Variants in CGRRF1 observed in about 807,000 individuals in gnomAD.
The protein encoded by CGRRF1 is cell growth regulator with ring finger domain 1, also known as cell growth regulator with RING finger domain protein 1.
Under a neutral mutation model 37.2 loss-of-function variants are expected in CGRRF1, and 32 were observed. The observed-to-expected ratio is 0.86, with a 90% CI of 0.65 to 1.16. The LOEUF is 1.16. CGRRF1 is among the 50% of genes most tolerant of loss of function. The pLI is 0.00. For missense variants in CGRRF1, 391 were observed against 382.6 expected (o/e 1.02, Z -0.18); for synonymous variants, 141 against 140.3 (o/e 1.00, Z -0.04).
At chr14:54,513,537 G>C (rs985440181) in intron 1 of CGRRF1, among the ~76,000 whole-genome samples, 7 of 151,982 alleles carry the variant, frequency 4.6e-5, no homozygotes, top group African/African-American at 1.5e-4. Context: ...GTGTAGCCAC[G>C]GAAAGACTTG....
In CGRRF1 at chr14:54,539,255, T is replaced by C. The variant is rs751030007; in HGVS notation, c.*872T>C. 52 of 152,144 alleles carry C rather than the reference T, an allele frequency of 3.4e-4. No individual in the cohort carries two copies. The highest frequency in any genetic ancestry group is 5.7e-4 in the Non-Finnish European group (39 of 68,022). The allele number at this position is 152,144 out of a possible 1,614,324, so 9.4% of individuals were successfully genotyped here. On this transcript the variant is annotated 3_prime_UTR_variant, in exon 6 of 6. Transcript: ENST00000216420. The stretch of plus-strand genomic sequence containing the variant: ...ATAACTATTTTTTTCTAGTGTATTT[T>C]TATTCCAAATAAACCCTGTATTCTT...
At chr14:54,530,755 A>G (rs1010670504) in intron 3 of CGRRF1, 148 bp from the exon 4 acceptor site, 2 of 880,936 alleles carry the variant, frequency 2.3e-6, no homozygotes, top group African/African-American at 1.7e-5. Context: ...TCTATCAGGA[A>G]CAGTATTTGT....
chr14:54,514,910 A>G (rs951244518), intron 1 of CGRRF1, among the ~76,000 whole-genome samples: 1 of 152,130 alleles, frequency 6.6e-6, no homozygotes, highest in Admixed American at 6.5e-5. Flanking sequence ...TGGAAATTTT[A>G]AAGATATCTC....
rs536064028 is a variant in CGRRF1 at position 54,528,520 on chromosome 14, T to A, written c.245-1529T>A. Among the ~76,000 whole-genome samples, 6 of 152,124 alleles carry A rather than the reference T, an allele frequency of 3.9e-5. No individual in the cohort carries two copies. The South Asian group carries it at 1.2e-3, about 31-fold the overall frequency. On this transcript the variant is annotated intron_variant, in intron 2 of 5. Transcript: ENST00000216420. Reference sequence around the variant, plus strand: ...TCTTGTTTTTTCTTTTTCAATGTTTTAAAATATGCATTTTCTATTTTTTCC... The same window carrying A: ...TCTTGTTTTTTCTTTTTCAATGTTTAAAAATATGCATTTTCTATTTTTTCC...
chr14:54,538,304 T>C lies in CGRRF1; in HGVS notation c.920T>C (p.Met307Thr), dbSNP rs1479084129. The change falls in exon 6 of 6, where the codon ATG becomes ACG. Residue 307 changes from methionine (M) to threonine (T), a missense_variant. Physicochemically the swap from Met to Thr is moderately conservative, Grantham distance 81. Coordinates refer to ENST00000216420, the MANE Select transcript of CGRRF1 (RefSeq NM_006568.3). ...GTGAAGTATTTTCAGCAGTGCCCAA[T>C]GTGCAGGCAGTTTGTTCAGGAATCT... ...GCVKYFQQCP[M>T]CRQFVQESFA... 3 of 1,614,056 alleles carry C rather than the reference T, an allele frequency of 1.9e-6. No homozygotes were observed. The highest frequency in any genetic ancestry group is 3.3e-5 in the Admixed American group (2 of 60,010).
At chr14:54,521,330 A>T (rs963196058) in intron 1 of CGRRF1, among the ~76,000 whole-genome samples, 3 of 151,582 alleles carry the variant, frequency 2.0e-5, no homozygotes, top group African/African-American at 7.3e-5. Context: ...GCATGGTGGC[A>T]CATGCCTGTA....
intron 4 of CGRRF1, chr14:54,536,018 A>G (rs765121426): frequency 5.9e-5 from 9 of 152,344 alleles, no homozygotes; most frequent in Non-Finnish European, 1.2e-4. Context: ...TCAGAAAACC[A>G]TATAAAGAAA....
intron 1 of CGRRF1, among the ~76,000 whole-genome samples, chr14:54,517,243 T>A (rs770346075): frequency 2.0e-5 from 3 of 152,212 alleles, no homozygotes; most frequent in Non-Finnish European, 4.4e-5. Flanking sequence ...GAATTTTACC[T>A]TACTAGGTGC....
chr14:54,521,007 G>A (rs1183877570), intron 1 of CGRRF1, among the ~76,000 whole-genome samples: 2 of 152,120 alleles, frequency 1.3e-5, no homozygotes, highest in African/African-American at 4.8e-5. Context: ...TATGTAAATT[G>A]AGTAAAGTAG....
At chr14:54,514,989 T>TATTGAGAC (rs1280634410) in intron 1 of CGRRF1, among the ~76,000 whole-genome samples, 3 of 152,184 alleles carry the variant, frequency 2.0e-5, no homozygotes, top group Non-Finnish European at 4.4e-5. Context: ...CTTGTAAATT[T>TATTGAGAC]ATTGAGACTT....
chr14:54,534,742 A>G (rs925624963), intron 4 of CGRRF1, among the ~76,000 whole-genome samples: 1 of 152,048 alleles, frequency 6.6e-6, no homozygotes, highest in Non-Finnish European at 1.5e-5. Context: ...TTGAGATAGG[A>G]TCTTGCTCTA....
intron 4 of CGRRF1, among the ~76,000 whole-genome samples, chr14:54,532,188 G>A (rs1378150679): frequency 6.6e-6 from 1 of 152,128 alleles, no homozygotes; most frequent in Non-Finnish European, 1.5e-5. Flanking sequence ...TGCAACAAGT[G>A]TACATTGAGC....
chr14:54,529,319 TAC>T (rs2032467850), intron 2 of CGRRF1, among the ~76,000 whole-genome samples: 1 of 152,250 alleles, frequency 6.6e-6, no homozygotes, highest in South Asian at 2.1e-4. Context: ...GTAAGTCCTA[TAC>T]AAGTGTTAAA....
intron 2 of CGRRF1, among the ~76,000 whole-genome samples, chr14:54,523,674 A>G (rs2032360321): frequency 6.6e-6 from 1 of 152,100 alleles, no homozygotes; most frequent in South Asian, 2.1e-4. Flanking sequence ...GTCTAAGAAG[A>G]CTCAGGTTCT....
intron 1 of CGRRF1, among the ~76,000 whole-genome samples, chr14:54,520,457 CATTT>C (rs2032297207): frequency 6.6e-6 from 1 of 152,132 alleles, no homozygotes; most frequent in Non-Finnish European, 1.5e-5. Flanking sequence ...TTAAGTGTAC[CATTT>C]ACCAAGTGTT....
intron 4 of CGRRF1, among the ~76,000 whole-genome samples, chr14:54,532,416 T>C (rs1340827678): frequency 6.6e-6 from 1 of 152,082 alleles, no homozygotes; most frequent in Admixed American, 6.6e-5. Flanking sequence ...GGTCTAGAGA[T>C]CTAATGTACA....
At position 54,538,535 on chromosome 14, in the gene CGRRF1, A is replaced by T. The variant is rs988279332; in HGVS notation, c.*152A>T. On this transcript the variant is annotated 3_prime_UTR_variant, in exon 6 of 6. Transcript: ENST00000216420. ...GTATGGTACTTGGATGATAAAAATT[A>T]ATTATTCCTTTCTGCTTAGTGAATG... The T allele has an allele frequency of 1.9e-6, 1 of 527,490 alleles. No individual in the cohort carries two copies. The highest frequency in any genetic ancestry group is 2.0e-5 in the African/African-American group (1 of 51,184). 32.7% of individuals were successfully genotyped at this position (527,490 alleles called of 1,614,324 possible). A position where few individuals can be genotyped will look rare whatever the true frequency, so the allele number is the denominator to read the frequency against.
chr14:54,535,359 TCACA>T (rs143950400), intron 4 of CGRRF1, among the ~76,000 whole-genome samples: 193 of 140,552 alleles, frequency 1.4e-3, no homozygotes, highest in Middle Eastern at 3.6e-3. Flanking sequence ...AAGGGTATAG[TCACA>T]CACACACACA....
At chr14:54,511,371 C>A (rs1409721288) in intron 1 of CGRRF1, among the ~76,000 whole-genome samples, 2 of 152,160 alleles carry the variant, frequency 1.3e-5, no homozygotes, top group African/African-American at 2.4e-5. Flanking sequence ...ATTGGTTATT[C>A]TTGACCCATC....
Sources: allele counts gnomAD v4.1 joint callset (sites outside exome capture counted in the v4.1 genomes callset), GRCh38; gene constraint gnomAD v4.1.1; transcripts MANE v1.5; gene names NCBI Gene and HGNC (gene_info 2026-07-23, HGNC 2026-07-21).